LRGUK: variants seen among roughly 807,000 people sequenced by gnomAD.
The protein encoded by LRGUK is leucine-rich repeat and guanylate kinase domain-containing protein.
Under a neutral mutation model 76.0 loss-of-function variants are expected in LRGUK, and 65 were observed. The ratio of observed to expected loss-of-function variants is 0.85; its 90% confidence interval spans 0.70 to 1.05. LRGUK has a LOEUF of 1.05. LRGUK is among the 50% of genes least tolerant of loss of function. The pLI is 0.00. For synonymous variants in LRGUK, 268 were observed against 265.6 expected (o/e 1.01, Z -0.09); for missense variants, 758 against 732.8 (o/e 1.03, Z -0.40).
At chr7:134,276,253 T>G in the LRGUK span, among the ~76,000 whole-genome samples, 2 of 152,288 alleles carry the variant, frequency 1.3e-5, no homozygotes, top group Admixed American at 1.3e-4. Context: ...ATCACAATTC[T>G]CCCCATCCCC....
At chr7:134,227,457 G>A (rs925059483) in intron 16 of LRGUK, among the ~76,000 whole-genome samples, 1 of 152,090 alleles carries the variant, frequency 6.6e-6, no homozygotes, top group African/African-American at 2.4e-5. Flanking sequence ...TATAAATAAT[G>A]TTGTAAATAC....
chr7:134,159,400 C>A (rs1156655500), intron 6 of LRGUK, among the ~76,000 whole-genome samples: 2 of 150,468 alleles, frequency 1.3e-5, no homozygotes, highest in East Asian at 3.9e-4. Context: ...TTGACATATA[C>A]AATATACTAT....
At chr7:134,181,095 T>C (rs1799722617) in intron 10 of LRGUK, among the ~76,000 whole-genome samples, 1 of 152,232 alleles carries the variant, frequency 6.6e-6, no homozygotes, top group East Asian at 1.9e-4. Context: ...ATTCTCTGGC[T>C]AACTACATAG....
At chr7:134,157,805 G>A (rs1798547312) in intron 5 of LRGUK, among the ~76,000 whole-genome samples, 1 of 152,112 alleles carries the variant, frequency 6.6e-6, no homozygotes, top group East Asian at 1.9e-4. Context: ...TTACAGGCGT[G>A]AGCCACCGCA....
At chr7:134,266,417 C>T (rs1802857367), downstream of LRGUK, among the ~76,000 whole-genome samples, 1 of 151,920 alleles carries the variant, frequency 6.6e-6, no homozygotes, top group African/African-American at 2.4e-5. Context: ...ATAATTTCAG[C>T]AAAGAAAGAG....
In LRGUK at chr7:134,191,699, G is replaced by A. The variant is rs202012650; in HGVS notation, c.1379G>A (p.Arg460Gln). 2.8e-5 allele frequency: 45 copies of A among 1,612,998 alleles called. No homozygotes were observed. The Admixed American group carries it at 5.3e-4, about 19-fold the overall frequency. ...CCACCTTACTTTGGAGAAGGGGATC[G>A]AGTTGATTATCATTTTATCTCTCAA... The change falls in exon 12 of 16, where the codon CGA becomes CAA. Residue 460 changes from arginine to glutamine, a missense_variant. Transcript: ENST00000645682.
In LRGUK at chr7:134,197,048, C is replaced by T. The variant is rs144116030; in HGVS notation, c.1488C>T (p.Asp496=). ...ATCACAAGTATGGATTAAATAGGGA[C>T]ACCGTAGAAGGTATCGCAAGAGATG... The change falls in exon 13 of 16, where the codon GAC becomes GAT. Residue 496 remains aspartate (D), a synonymous_variant. Coordinates refer to ENST00000645682, the Ensembl canonical transcript of LRGUK. 5.0e-6 allele frequency: 8 copies of T among 1,612,034 alleles called. No homozygotes were observed. In the African/African-American group the frequency reaches 5.3e-5, roughly 11 times the overall value.
rs576043024 is a variant in LRGUK at position 134,130,000 on chromosome 7, G to T, written c.297+2336G>T. On this transcript the variant is annotated intron_variant, in intron 1 of 15. Coordinates refer to ENST00000645682, the Ensembl canonical transcript of LRGUK. Reference sequence around the variant, plus strand: ...TCTGATTCTTCTATTAACCACTTGGGTTCCCCTTCCTTTGTAATGTCCTTC... The same window carrying T: ...TCTGATTCTTCTATTAACCACTTGGTTTCCCCTTCCTTTGTAATGTCCTTC... 6.1e-4 allele frequency among the ~76,000 whole-genome samples: 92 copies of T among 151,952 alleles called. 2 individuals are homozygous for T. In the South Asian group the frequency reaches 0.018, roughly 31 times the overall value.
intron 11 of LRGUK, among the ~76,000 whole-genome samples, chr7:134,187,281 T>C (rs1800016131): frequency 6.6e-6 from 1 of 152,206 alleles, no homozygotes; most frequent in African/African-American, 2.4e-5. Flanking sequence ...ATAAGTTTTA[T>C]TGATTTTTAA....
chr7:134,169,317 C>G (rs78608735), intron 7 of LRGUK, among the ~76,000 whole-genome samples: 21,161 of 151,978 alleles, frequency 0.14, 1,871 homozygotes, highest in East Asian at 0.32. Flanking sequence ...TCCTCCAGAA[C>G]CTTCTGAGAG....
At chr7:134,162,939 C>T (rs1022938529) in intron 6 of LRGUK, among the ~76,000 whole-genome samples, 9 of 151,934 alleles carry the variant, frequency 5.9e-5, no homozygotes, top group African/African-American at 2.2e-4. Flanking sequence ...GCACCCTCAC[C>T]ACATGAGTGA....
chr7:134,176,834 G>A (rs1006515366), intron 8 of LRGUK, 143 bp from the exon 9 acceptor site: 28 of 537,000 alleles, frequency 5.2e-5, no homozygotes, highest in African/African-American at 7.8e-5. Context: ...ACTGGGAAGC[G>A]TGAAATGCAT....
At chr7:134,212,921 AG>A (rs1585565294), downstream of LRGUK, among the ~76,000 whole-genome samples, 3 of 152,358 alleles carry the variant, frequency 2.0e-5, no homozygotes, top group East Asian at 5.8e-4. Context: ...TAACTTTTCC[AG>A]ATGTCATAAG....
At chr7:134,173,054 T>C (rs1799324639) in intron 7 of LRGUK, among the ~76,000 whole-genome samples, 1 of 152,142 alleles carries the variant, frequency 6.6e-6, no homozygotes, top group African/African-American at 2.4e-5. Context: ...AATTAATCCG[T>C]TGTTCACAAG....
At chr7:134,145,381 G>A (rs1358377627) in intron 4 of LRGUK, among the ~76,000 whole-genome samples, 2 of 152,026 alleles carry the variant, frequency 1.3e-5, no homozygotes, top group Non-Finnish European at 2.9e-5. Context: ...CCGAGTAGCT[G>A]GGATTATAGG....
chr7:134,232,905 A>G (rs753775470), intron 16 of LRGUK, among the ~76,000 whole-genome samples: 2 of 152,218 alleles, frequency 1.3e-5, no homozygotes, highest in Non-Finnish European at 2.9e-5. Context: ...CTCCCAAAGC[A>G]CATTAATTTG....
chr7:134,273,486 T>C, the LRGUK span, among the ~76,000 whole-genome samples: 1 of 151,344 alleles, frequency 6.6e-6, no homozygotes, highest in African/African-American at 2.4e-5. Context: ...TAAGAATCTA[T>C]GAGCAGGGAA....
chr7:134,239,370 C>T lies in LRGUK; in HGVS notation c.1984-8186C>T, dbSNP rs187017723. On this transcript the variant is annotated intron_variant, in intron 16 of 19. Coordinates refer to the LRGUK transcript ENST00000285928. ...CCACACTAATACTGCACTTTTCCAA[C>T]GGCCTTAGCAAATGGCACACCAGGA... Among the ~76,000 whole-genome samples, 16 of 152,294 alleles carry T rather than the reference C, an allele frequency of 1.1e-4. No individual in the cohort carries two copies. In the East Asian group the frequency reaches 1.2e-3, roughly 11 times the overall value.
rs976043220 is a variant in LRGUK, at chr7:134,171,890, C to T, written c.940-2666C>T. Among the ~76,000 whole-genome samples the T allele has an allele frequency of 6.6e-5, 10 of 152,056 alleles. 1 individual carries two copies. The highest frequency in any genetic ancestry group is 1.9e-4 in the East Asian group (1 of 5,184). ...GGTAGGTTGTGCAGGAGAGGGAGGG[C>T]GCATGCAGGGCAAGCAGTATCTGTG... On this transcript the variant is annotated intron_variant, in intron 7 of 15. Transcript: ENST00000645682.
Sources: allele counts gnomAD v4.1 joint callset (sites outside exome capture counted in the v4.1 genomes callset), GRCh38; gene constraint gnomAD v4.1.1; transcripts MANE v1.5; gene names NCBI Gene and HGNC (gene_info 2026-07-23, HGNC 2026-07-21).